Variants in CACNG5 observed in about 807,000 individuals in gnomAD.
CACNG5 encodes calcium voltage-gated channel auxiliary subunit gamma 5.
Under a neutral mutation model 24.8 loss-of-function variants are expected in CACNG5, and 18 were observed. The ratio of observed to expected loss-of-function variants is 0.73; its 90% CI spans 0.50 to 1.08. The LOEUF is 1.08. Ranked by LOEUF, CACNG5 falls within the 50% of genes least tolerant of loss-of-function variation. The pLI is 0.00. For synonymous variants in CACNG5, 157 were observed against 149.1 expected (o/e 1.05, Z -0.39); for missense variants, 349 against 367.9 (o/e 0.95, Z 0.42).
rs1284682541 is a variant in CACNG5 at position 66,887,443 on chromosome 17, A to G, written c.*2203A>G. On this transcript the variant is annotated 3_prime_UTR_variant, in exon 6 of 6. Transcript: ENST00000533854. Reference sequence around the variant, plus strand: ...CCTCTCCACTGGCACCCTTGCAATGACTGTTGTATTCTTCAGTTACTGTTT... The same window carrying G: ...CCTCTCCACTGGCACCCTTGCAATGGCTGTTGTATTCTTCAGTTACTGTTT... 1.3e-5 allele frequency among the ~76,000 whole-genome samples: 2 copies of G among 152,152 alleles called. No homozygotes were observed. Among genetic ancestry groups the G allele is most frequent in the Non-Finnish European group, 2.9e-5 (2 of 68,018 alleles).
At position 66,879,065 on chromosome 17, in the gene CACNG5, G is replaced by T. The variant is rs373841089; in HGVS notation, c.283+7G>T. The T allele has an allele frequency of 4.2e-5, 67 of 1,612,306 alleles. No homozygotes were observed. The African/African-American group carries it at 8.5e-4, about 21-fold the overall frequency. On this transcript the variant is annotated splice_region_variant and intron_variant, in intron 3 of 5. Coordinates refer to ENST00000533854, the MANE Select transcript of CACNG5 (RefSeq NM_145811.3). ...TCCACGGTCAATGTTCTAAGTAAGT[G>T]CCTTGAGTCTGGCAACCTGGGCCAC... is the stretch of plus-strand genomic sequence containing the variant.
intron 1 of CACNG5, among the ~76,000 whole-genome samples, chr17:66,863,860 G>A (rs1342796757): frequency 2.0e-5 from 3 of 152,180 alleles, no homozygotes; most frequent in African/African-American, 4.8e-5. Context: ...TGCCTTCAAT[G>A]TTGAGGGATA....
At chr17:66,882,625 G>A (rs1408010005) in intron 4 of CACNG5, among the ~76,000 whole-genome samples, 1 of 152,116 alleles carries the variant, frequency 6.6e-6, no homozygotes, top group East Asian at 1.9e-4. Flanking sequence ...TTGGGCCAAA[G>A]GAGTGGCTCT....
chr17:66,876,446 G>T (rs892360113), intron 1 of CACNG5, among the ~76,000 whole-genome samples: 1 of 152,250 alleles, frequency 6.6e-6, no homozygotes, highest in Non-Finnish European at 1.5e-5. Flanking sequence ...GACCCTGGCA[G>T]ATATCAGCAG....
intron 1 of CACNG5, among the ~76,000 whole-genome samples, chr17:66,855,780 A>C (rs1478899431): frequency 1.3e-5 from 2 of 152,222 alleles, no homozygotes; most frequent in African/African-American, 4.8e-5. Flanking sequence ...TACAGGCGTG[A>C]GCCACCGCAC....
chr17:66,856,825 G>A (rs879600110), intron 1 of CACNG5, among the ~76,000 whole-genome samples: 8 of 151,842 alleles, frequency 5.3e-5, no homozygotes, highest in Admixed American at 5.2e-4. Context: ...TTACAGGTGT[G>A]AGCCACCACA....
intron 4 of CACNG5, among the ~76,000 whole-genome samples, chr17:66,883,235 C>G (rs1977190183): frequency 6.6e-6 from 1 of 152,174 alleles, no homozygotes; most frequent in South Asian, 2.1e-4. Flanking sequence ...CTGTGAACTT[C>G]ACGATAGCCA....
Position 66,878,996 on chromosome 17 carries a change from C to T in CACNG5, c.221C>T (p.Thr74Ile). The change falls in exon 3 of 6, where the codon ACC becomes ATC. Residue 74 changes from threonine to isoleucine, a missense_variant. Physicochemically the swap from Thr to Ile is moderately conservative, Grantham distance 89 (BLOSUM62 -1). Coordinates refer to ENST00000533854, the MANE Select transcript of CACNG5 (RefSeq NM_145811.3). ...LAGEERGRCF[T>I]IEYVMPMNTQ... ...GGTGAGGAGCGGGGGCGTTGCTTCACCATAGAATATGTGATGCCCATGAAC... is the reference window on the plus strand; with the variant it reads ...GGTGAGGAGCGGGGGCGTTGCTTCATCATAGAATATGTGATGCCCATGAAC... The T allele has an allele frequency of 6.2e-7, 1 of 1,613,672 alleles. No individual in the cohort carries two copies. The highest frequency in any genetic ancestry group is 1.1e-5 in the South Asian group (1 of 90,988).
rs1280956165 is a variant in CACNG5 at position 66,886,870 on chromosome 17, C to T, written c.*1630C>T. Among the ~76,000 whole-genome samples, 1 of 152,168 alleles carries T rather than the reference C, an allele frequency of 6.6e-6. No homozygotes were observed. Among genetic ancestry groups the T allele is most frequent in the South Asian group, 2.1e-4 (1 of 4,830 alleles). On this transcript the variant is annotated 3_prime_UTR_variant, in exon 6 of 6. Coordinates refer to ENST00000533854, the MANE Select transcript of CACNG5 (RefSeq NM_145811.3). ...ATTGGTTTCTTCTGAGGCCTCTGTCCTTGGCTTGCAGACGGCTACCTTCCC... is the reference window on the plus strand; with the variant it reads ...ATTGGTTTCTTCTGAGGCCTCTGTCTTTGGCTTGCAGACGGCTACCTTCCC...
intron 1 of CACNG5, among the ~76,000 whole-genome samples, chr17:66,863,483 C>T (rs1256008821): frequency 1.3e-5 from 2 of 152,086 alleles, no homozygotes; most frequent in African/African-American, 4.8e-5. Context: ...TCTCCTACCT[C>T]AGCCTCCCAG....
intron 1 of CACNG5, among the ~76,000 whole-genome samples, chr17:66,846,520 CATA>C (rs1976639759): frequency 2.0e-5 from 3 of 152,206 alleles, no homozygotes; most frequent in African/African-American, 7.2e-5. Flanking sequence ...TTTCACTTCA[CATA>C]ATGTTTTCAA....
At chr17:66,841,050 C>T (rs118141187) in intron 1 of CACNG5, among the ~76,000 whole-genome samples, 2,899 of 152,222 alleles carry the variant, frequency 0.019, 55 homozygotes, top group Middle Eastern at 0.037. Context: ...AGGATGAGGA[C>T]GTGTGCCAGT....
chr17:66,859,167 A>G (rs964506452), intron 1 of CACNG5, among the ~76,000 whole-genome samples: 1 of 152,198 alleles, frequency 6.6e-6, no homozygotes, highest in Non-Finnish European at 1.5e-5. Context: ...TGAGAAATAC[A>G]TCATCCATTG....
In CACNG5 at chr17:66,893,965, G is replaced by A. The variant is rs984445464; in HGVS notation, c.*8725G>A. On this transcript the variant is annotated 3_prime_UTR_variant, in exon 6 of 6. Coordinates refer to ENST00000533854, the MANE Select transcript of CACNG5 (RefSeq NM_145811.3). ...TCACCTGGGTGGTGAGAAATTCAGT[G>A]TTCCCCAGGGTTGCATGGGAATCCA... is the stretch of plus-strand genomic sequence containing the variant. 2.0e-5 allele frequency among the ~76,000 whole-genome samples: 3 copies of A among 152,204 alleles called. No homozygotes were observed. The highest frequency in any genetic ancestry group is 2.9e-5 in the Non-Finnish European group (2 of 68,048).
At chr17:66,859,564 C>A (rs1976827943) in intron 1 of CACNG5, among the ~76,000 whole-genome samples, 1 of 152,142 alleles carries the variant, frequency 6.6e-6, no homozygotes, top group Admixed American at 6.6e-5. Flanking sequence ...CACCGTGTTT[C>A]TCTTGAGGGG....
intron 1 of CACNG5, among the ~76,000 whole-genome samples, chr17:66,866,175 C>G (rs1230646196): frequency 6.6e-6 from 1 of 152,074 alleles, no homozygotes; most frequent in Non-Finnish European, 1.5e-5. Flanking sequence ...AAATCAGAGA[C>G]TATATATATT....
chr17:66,853,320 T>C (rs531750958), intron 1 of CACNG5, among the ~76,000 whole-genome samples: 2 of 152,356 alleles, frequency 1.3e-5, no homozygotes, highest in South Asian at 4.1e-4. Context: ...GGTGTAAGTC[T>C]TTATGCAACC....
At chr17:66,870,945 A>G (rs1041489593) in intron 1 of CACNG5, among the ~76,000 whole-genome samples, 2 of 151,142 alleles carry the variant, frequency 1.3e-5, no homozygotes, top group African/African-American at 4.9e-5. Flanking sequence ...ATGCCATTGC[A>G]CCTCCAGCCT....
chr17:66,839,603 G>A (rs1976535298), intron 1 of CACNG5, among the ~76,000 whole-genome samples: 1 of 151,098 alleles, frequency 6.6e-6, no homozygotes, highest in Admixed American at 6.6e-5. Flanking sequence ...TGGGGAGAGA[G>A]CGAGAGGGGG....
Sources: gnomAD v4.1 joint callset for allele counts (sites outside exome capture counted in the v4.1 genomes callset) on GRCh38, gnomAD v4.1.1 for gene constraint, MANE v1.5 for transcripts, NCBI Gene and HGNC (gene_info 2026-07-23, HGNC 2026-07-21) for gene names.